ATAD3A: variants seen among roughly 807,000 people sequenced by gnomAD.
The protein encoded by ATAD3A is ATPase family AAA domain containing 3A.
ATAD3A carries 46 observed loss-of-function variants against 73.8 expected under a neutral mutation model. The observed-to-expected ratio is 0.62, with a 90% CI of 0.49 to 0.80. The LOEUF (loss-of-function observed/expected upper bound fraction) is 0.80, where lower values mean the gene tolerates loss of function less well. Among genes scored for constraint, ATAD3A ranks in the 30% least tolerant of loss-of-function variants. ATAD3A has a pLI of 0.00. For missense variants in ATAD3A, 705 were observed against 838.0 expected, an observed-to-expected ratio of 0.84 and a Z score of 1.96; for synonymous variants, 319 against 350.0, an observed-to-expected ratio of 0.91 and a Z score of 0.99.
chr1:1,523,077 G>C lies in ATAD3A; in HGVS notation c.906+178G>C, dbSNP rs1280541271. ...CGCTGTACCTTAGGGGTCTGCATCA[G>C]TGAGACCCTTCCCCTGTCTGCCTCG... On this transcript the variant is annotated intron_variant, in intron 8 of 15. Transcript: ENST00000378756. The surrounding 1 kb of genome is among the most constrained non-coding windows in gnomAD (Gnocchi z 5.1). 6.6e-6 allele frequency among the ~76,000 whole-genome samples: 1 copy of C among 151,922 alleles called. No individual in the cohort carries two copies. Among genetic ancestry groups the C allele is most frequent in the Non-Finnish European group, 1.5e-5 (1 of 68,012 alleles).
intron 5 of ATAD3A, 98 bp downstream of exon 5, chr1:1,519,088 T>G: frequency 3.7e-6 from 6 of 1,604,414 alleles, no homozygotes; most frequent in Non-Finnish European, 5.1e-6. Flanking sequence ...CGGCCCCTCA[T>G]AGCTACCAGT....
chr1:1,522,246 G>A (rs1379973470), intron 7 of ATAD3A, among the ~76,000 whole-genome samples: 2 of 152,072 alleles, frequency 1.3e-5, no homozygotes, highest in East Asian at 3.9e-4. Flanking sequence ...TCTCCATGTG[G>A]GTTAGGCTGG....
chr1:1,517,353 C>T lies in ATAD3A; in HGVS notation c.325C>T (p.Arg109Trp), dbSNP rs1189257145. 2.8e-5 allele frequency: 43 copies of T among 1,539,828 alleles called. No homozygotes were observed. In the Admixed American group the frequency reaches 3.2e-4, roughly 12 times the overall value. ...AVEQLKSEQI[R>W]AQAEERRKTL... ...GGAGCAGCTCAAGAGCGAGCAGATC[C>T]GGGCGCAGGCTGAGGAGAGGAGGAA... The change falls in exon 3 of 16, where the codon CGG (arginine) becomes TGG (tryptophan). Residue 109 changes from arginine (R) to tryptophan (W), a missense_variant. Physicochemically the swap from Arg to Trp is moderately radical, Grantham distance 101. This residue lies in a region of ATAD3A where 125 missense variants were observed against 170.6 expected (regional missense o/e 0.73). Transcript: ENST00000378756.
rs1400455757 is a variant in ATAD3A at position 1,520,007 on chromosome 1, G to A, written c.515-134G>A. 2.5e-5 allele frequency: 34 copies of A among 1,360,140 alleles called. No homozygotes were observed. In the East Asian group the frequency reaches 3.3e-4, roughly 13 times the overall value. The allele number at this position is 1,360,140 out of a possible 1,614,324, so 84.3% of individuals were successfully genotyped here. ...GCCTGTCCATGGCGTGGGCCGGTCC[G>A]TGGCATGGGCCTGTCTGTGGCGTTG... On this transcript the variant is annotated intron_variant, in intron 5 of 15. Coordinates refer to ENST00000378756, the MANE Select transcript of ATAD3A (RefSeq NM_001170535.3). This position sits in a 1 kb window ranked among gnomAD's most constrained non-coding sequence, Gnocchi z 4.0.
In ATAD3A at chr1:1,527,685, C is replaced by G; in HGVS notation, c.1338-10C>G. On this transcript the variant is annotated splice_polypyrimidine_tract_variant and intron_variant, in intron 13 of 15. Coordinates refer to ENST00000378756, the MANE Select transcript of ATAD3A (RefSeq NM_001170535.3). Reference sequence around the variant, plus strand: ...GCCCCAGCATCCTCATCCTCATCCCCGCCCCGCAGGTTCATGCTGGTCCTG... The same window carrying G: ...GCCCCAGCATCCTCATCCTCATCCCGGCCCCGCAGGTTCATGCTGGTCCTG... 1 of 1,605,270 alleles carries G rather than the reference C, an allele frequency of 6.2e-7. No individual in the cohort carries two copies. The highest frequency in any genetic ancestry group is 8.5e-7 in the Non-Finnish European group (1 of 1,174,696).
At chr1:1,525,742 C>G (rs1641801379) in intron 12 of ATAD3A, among the ~76,000 whole-genome samples, 1 of 152,192 alleles carries the variant, frequency 6.6e-6, no homozygotes, top group South Asian at 2.1e-4. Context: ...GACAGGGTCT[C>G]TGTCGCCCAG....
At chr1:1,513,911 C>A (rs1214980238) in intron 1 of ATAD3A, among the ~76,000 whole-genome samples, 1 of 152,048 alleles carries the variant, frequency 6.6e-6, no homozygotes, top group Non-Finnish European at 1.5e-5. Flanking sequence ...AGGCTATAGC[C>A]CCATGCCGCC....
chr1:1,531,671 GGGAGGCTGAGGCA>G (rs1353519485), intron 15 of ATAD3A, among the ~76,000 whole-genome samples: 1 of 151,404 alleles, frequency 6.6e-6, no homozygotes, highest in African/African-American at 2.4e-5. Flanking sequence ...CCAGCTACTT[GGGAGGCTGAGGCA>G]GGAGAATGGC....
At position 1,534,429 on chromosome 1, in the gene ATAD3A, G is replaced by A. The variant is rs1222140185; in HGVS notation, c.*357G>A. On this transcript the variant is annotated 3_prime_UTR_variant, in exon 16 of 16. Coordinates refer to ENST00000378756, the MANE Select transcript of ATAD3A (RefSeq NM_001170535.3). ...CCCCGGGGCAGCAGGAGCCAGGCAG[G>A]TGATGTCTTTGTTCTCGGCTCCCAC... is the stretch of plus-strand genomic sequence containing the variant. The A allele has an allele frequency of 1.6e-5, 21 of 1,279,122 alleles. No homozygotes were observed. Among genetic ancestry groups the A allele is most frequent in the Non-Finnish European group, 2.1e-5 (21 of 999,142 alleles). 79.2% of individuals were successfully genotyped at this position (1,279,122 alleles called of 1,614,324 possible).
chr1:1,512,212 C>G lies in ATAD3A; in HGVS notation c.-57C>G, dbSNP rs1393896444. On this transcript the variant is annotated 5_prime_UTR_variant, in exon 1 of 16. Coordinates refer to ENST00000378756, the MANE Select transcript of ATAD3A (RefSeq NM_001170535.3). Reference sequence around the variant, plus strand: ...CGCGTGGAGGCTGCTCCCAGCCGCGCGCGAGTCAGACTCGGGTGGGGGTCC... The same window carrying G: ...CGCGTGGAGGCTGCTCCCAGCCGCGGGCGAGTCAGACTCGGGTGGGGGTCC... The G allele has an allele frequency of 6.4e-6, 8 of 1,248,442 alleles. No individual in the cohort carries two copies. The highest frequency in any genetic ancestry group is 8.1e-6 in the Non-Finnish European group (8 of 993,256). The allele number at this position is 1,248,442 out of a possible 1,614,324, so 77.3% of individuals were successfully genotyped here. A position where few individuals can be genotyped will look rare whatever the true frequency, so the allele number is the denominator to read the frequency against.
chr1:1,532,906 C>T (rs1342191608), intron 15 of ATAD3A, among the ~76,000 whole-genome samples: 1 of 151,178 alleles, frequency 6.6e-6, no homozygotes, highest in Non-Finnish European at 1.5e-5. Context: ...CCCACAGTGG[C>T]GGTGCGGCTC....
At chr1:1,518,143 A>G (rs1336593973) in intron 4 of ATAD3A, among the ~76,000 whole-genome samples, 1 of 149,340 alleles carries the variant, frequency 6.7e-6, no homozygotes, top group Non-Finnish European at 1.5e-5. Flanking sequence ...ACACACCCGC[A>G]AACATACCCC....
intron 1 of ATAD3A, among the ~76,000 whole-genome samples, chr1:1,513,045 C>A (rs1284543766): frequency 6.6e-6 from 1 of 152,244 alleles, no homozygotes; most frequent in Admixed American, 6.5e-5. Context: ...GGTGTGAGCA[C>A]TCACCATGTT....
In ATAD3A at chr1:1,512,274, G is replaced by A. The variant is rs769229163; in HGVS notation, c.6G>A (p.Ser2=). The part of the protein sequence containing the change: M[S]WLFGINKGPK... ...GCGGCGGCGGCGGTGCGAGCATGTC[G>A]TGGCTCTTCGGCATTAACAAGGGCC... Residue 2 remains serine (S), a synonymous_variant, in exon 1 of 16, where the codon TCG becomes TCA. Transcript: ENST00000378756. 3.6e-5 allele frequency: 46 copies of A among 1,274,266 alleles called. No homozygotes were observed. The African/African-American group carries it at 5.8e-4, about 16-fold the overall frequency. The allele number at this position is 1,274,266 out of a possible 1,614,324, so 78.9% of individuals were successfully genotyped here.
rs1448332294 is a variant in ATAD3A at position 1,520,332 on chromosome 1, G to T, written c.680+26G>T. 1.2e-6 allele frequency: 2 copies of T among 1,605,966 alleles called. No homozygotes were observed. The highest frequency in any genetic ancestry group is 1.7e-6 in the Non-Finnish European group (2 of 1,174,072). On this transcript the variant is annotated intron_variant, in intron 6 of 15. Transcript: ENST00000378756. The surrounding 1 kb of genome is among the most constrained non-coding windows in gnomAD (Gnocchi z 4.0). ...GTGAGCACTGCCGAGGCCCGGGCCG[G>T]CCACAGATGGAGCCCCGCAGGTGTG...
At position 1,521,054 on chromosome 1, in the gene ATAD3A, G is replaced by C. The variant is rs530913468; in HGVS notation, c.750+437G>C. ...CACACCTGTAATCCCAGCACTTTGG[G>C]AGGCAGAGGCAGAGGCGGGCGGATC... is the stretch of plus-strand genomic sequence containing the variant. On this transcript the variant is annotated intron_variant, in intron 7 of 15. Transcript: ENST00000378756. 2.0e-5 allele frequency among the ~76,000 whole-genome samples: 3 copies of C among 151,850 alleles called. No individual in the cohort carries two copies. In the South Asian group the frequency reaches 6.2e-4, roughly 32 times the overall value.
intron 7 of ATAD3A, 54 bp from the exon 8 acceptor site, chr1:1,522,690 C>G: frequency 8.1e-6 from 13 of 1,605,798 alleles, no homozygotes; most frequent in Non-Finnish European, 1.1e-5. Flanking sequence ...GTCTCCTGCT[C>G]TAAGAGGGAG....
chr1:1,516,278 G>T (rs1407856663), intron 2 of ATAD3A, among the ~76,000 whole-genome samples, 190 bp downstream of exon 2: 1 of 144,920 alleles, frequency 6.9e-6, no homozygotes, highest in Non-Finnish European at 1.5e-5. Context: ...CCGCAGAGCC[G>T]CCCGAGAGGG....
chr1:1,529,546 G>A (rs138833052), intron 15 of ATAD3A, among the ~76,000 whole-genome samples: 4 of 152,224 alleles, frequency 2.6e-5, no homozygotes, highest in East Asian at 3.9e-4. Context: ...GAGCCATGTC[G>A]GTGGCTGACA....
Sources: gnomAD v4.1 joint callset for allele counts (sites outside exome capture counted in the v4.1 genomes callset) on GRCh38, gnomAD v4.1.1 for gene constraint, gnomAD v4.1.1 regional missense constraint, Gnocchi (gnomAD v3.1) non-coding constraint, MANE v1.5 for transcripts, NCBI Gene and HGNC (gene_info 2026-07-23, HGNC 2026-07-21) for gene names.